The following XRCC2 variants were observed in gnomAD, a reference collection of about 807,000 sequenced individuals.
XRCC2 encodes X-ray repair cross complementing 2.
XRCC2 carries 24 observed loss-of-function variants against 27.3 expected under a neutral mutation model. That is an observed-to-expected ratio of 0.88 (90% CI 0.64 to 1.24). The LOEUF (loss-of-function observed/expected upper bound fraction) is 1.24, where lower values mean the gene tolerates loss of function less well. Ranked by LOEUF, XRCC2 falls within the 50% of genes most tolerant of loss-of-function variation. The pLI is 0.00. For missense variants in XRCC2, 321 were observed against 325.8 expected, an observed-to-expected ratio of 0.99 and a Z score of 0.11; for synonymous variants, 106 against 115.4, an observed-to-expected ratio of 0.92 and a Z score of 0.52.
intron 2 of XRCC2, among the ~76,000 whole-genome samples, chr7:152,649,832 A>G (rs1360442722): frequency 6.6e-6 from 1 of 152,212 alleles, no homozygotes; most frequent in Non-Finnish European, 1.5e-5. Flanking sequence ...GTCGCCAGTG[A>G]GATGCAGGCT....
chr7:152,659,622 G>A (rs2098032202), intron 2 of XRCC2, among the ~76,000 whole-genome samples: 1 of 135,138 alleles, frequency 7.4e-6, no homozygotes, highest in South Asian at 2.4e-4. Flanking sequence ...TACTGACTAG[G>A]ATGGCTATTA....
chr7:152,663,433 C>A (rs147024637), intron 1 of XRCC2, among the ~76,000 whole-genome samples: 1 of 144,064 alleles, frequency 6.9e-6, no homozygotes, highest in African/African-American at 2.5e-5. Context: ...TTTGTGATGA[C>A]ATGAGAAACA....
chr7:152,662,217 C>T (rs3218468), intron 1 of XRCC2, among the ~76,000 whole-genome samples: 2,179 of 152,210 alleles, frequency 0.014, 45 homozygotes, highest in African/African-American at 0.048. Context: ...CCGCTCCCAT[C>T]GGCCTCCCAA....
At chr7:152,663,603 A>G (rs2117002691) in intron 1 of XRCC2, among the ~76,000 whole-genome samples, 1 of 152,156 alleles carries the variant, frequency 6.6e-6, no homozygotes, top group African/African-American at 2.4e-5. Context: ...CCTCGGGAGG[A>G]CAAGGCAGGA....
Position 152,647,556 on chromosome 7 carries a change from C to T in XRCC2, c.*1086G>A, listed in dbSNP as rs1242484225. 1.3e-5 allele frequency: 2 copies of T among 152,076 alleles called. No homozygotes were observed. Among genetic ancestry groups the T allele is most frequent in the African/African-American group, 4.8e-5 (2 of 41,390 alleles). 9.4% of individuals were successfully genotyped at this position (152,076 alleles called of 1,614,324 possible). A position where few individuals can be genotyped will look rare whatever the true frequency, so the allele number is the denominator to read the frequency against. On this transcript the variant is annotated 3_prime_UTR_variant, in exon 3 of 3. Transcript: ENST00000359321. ...GTTTTACATTAAGTCTTTAATCCATCTTGAGTTAATTTTTGTATATGGCAT... is the reference window on the plus strand; with the variant it reads ...GTTTTACATTAAGTCTTTAATCCATTTTGAGTTAATTTTTGTATATGGCAT...
chr7:152,656,391 T>C (rs2098030722), intron 2 of XRCC2, among the ~76,000 whole-genome samples: 1 of 151,934 alleles, frequency 6.6e-6, no homozygotes, highest in South Asian at 2.1e-4. Context: ...AGCAAGACTC[T>C]ATCTCAAAAA....
At chr7:152,667,419 A>AAAG (rs2098036332) in intron 1 of XRCC2, among the ~76,000 whole-genome samples, 2 of 74,576 alleles carry the variant, frequency 2.7e-5, no homozygotes, top group African/African-American at 1.1e-4. Flanking sequence ...AAAAAAAAAA[A>AAAG]AAAAAAAGAA....
chr7:152,649,310 A>G lies in XRCC2; in HGVS notation c.175T>C (p.Tyr59His). The G allele has an allele frequency of 6.2e-7, 1 of 1,611,394 alleles. No individual in the cohort carries two copies. Among genetic ancestry groups the G allele is most frequent in the East Asian group, 2.2e-5 (1 of 44,866 alleles). ...AGTATACATCGTGCTGTTAGGTGAT[A>G]AAGCATTTCTGTTTTTCCTGTTCCT... ...PEGTGKTEML[Y>H]HLTARCILPK... Residue 59 changes from tyrosine (Y) to histidine (H), a missense_variant, in exon 3 of 3, where the codon TAT becomes CAT. By Grantham distance (83) the Tyr-to-His change is moderately conservative. Coordinates refer to ENST00000359321, the MANE Select transcript of XRCC2 (RefSeq NM_005431.2).
chr7:152,671,666 A>C (rs2117009906), intron 1 of XRCC2, among the ~76,000 whole-genome samples: 1 of 152,332 alleles, frequency 6.6e-6, no homozygotes, highest in East Asian at 1.9e-4. Context: ...TTCCAGGATA[A>C]GGTTGGATGT....
chr7:152,669,087 C>T (rs1185762089), intron 1 of XRCC2, among the ~76,000 whole-genome samples: 3 of 152,070 alleles, frequency 2.0e-5, no homozygotes, highest in Non-Finnish European at 4.4e-5. Flanking sequence ...ACCTATTAAA[C>T]TGAAAATCAG....
intron 1 of XRCC2, among the ~76,000 whole-genome samples, chr7:152,674,718 T>A (rs374758331): frequency 7.9e-5 from 3 of 37,900 alleles, no homozygotes; most frequent in African/African-American, 2.5e-4. Context: ...TATAATATAT[T>A]TTTAAATATA....
intron 2 of XRCC2, among the ~76,000 whole-genome samples, chr7:152,652,017 AAG>A (rs1368669272): frequency 6.6e-6 from 1 of 151,816 alleles, no homozygotes; most frequent in Non-Finnish European, 1.5e-5. Flanking sequence ...AATTAAAAAA[AAG>A]AAATAGCCGG....
At chr7:152,667,428 A>AAAAAAAAAAAAAAAAAAAAAAAAAAG (rs1563032964) in intron 1 of XRCC2, among the ~76,000 whole-genome samples, 1 of 77,926 alleles carries the variant, frequency 1.3e-5, no homozygotes, top group Non-Finnish European at 2.4e-5. Flanking sequence ...AAAAAAAAAG[A>AAAAAAAAAAAAAAAAAAAAAAAAAAG]AAAAAAGTAT....
intron 2 of XRCC2, among the ~76,000 whole-genome samples, chr7:152,652,700 C>T (rs2098029042): frequency 6.6e-6 from 1 of 152,220 alleles, no homozygotes; most frequent in Non-Finnish European, 1.5e-5. Flanking sequence ...CCAGGATCTT[C>T]TGAATGTGCT....
intron 1 of XRCC2, among the ~76,000 whole-genome samples, chr7:152,670,967 C>A (rs1253611452): frequency 6.6e-6 from 1 of 152,188 alleles, no homozygotes; most frequent in Non-Finnish European, 1.5e-5. Context: ...GTAATTCCAG[C>A]ACTTTGGGTG....
At chr7:152,655,798 G>GTCCACC (rs1161395011) in intron 2 of XRCC2, among the ~76,000 whole-genome samples, 21 of 152,030 alleles carry the variant, frequency 1.4e-4, no homozygotes, top group African/African-American at 4.8e-4. Context: ...ATCACTTGAG[G>GTCCACC]TCAGGAGTTC....
chr7:152,674,249 T>G (rs1241076448), intron 1 of XRCC2, among the ~76,000 whole-genome samples: 1 of 152,186 alleles, frequency 6.6e-6, no homozygotes, highest in East Asian at 1.9e-4. Flanking sequence ...TAGACTCTCA[T>G]TTTTTGGATA....
At chr7:152,654,521 A>G (rs1460277002) in intron 2 of XRCC2, among the ~76,000 whole-genome samples, 1 of 152,238 alleles carries the variant, frequency 6.6e-6, no homozygotes, top group Admixed American at 6.5e-5. Flanking sequence ...ACAGCAGGGA[A>G]AAGATCACTG....
intron 2 of XRCC2, among the ~76,000 whole-genome samples, chr7:152,657,905 A>G (rs939455166): frequency 2.6e-5 from 4 of 152,070 alleles, no homozygotes; most frequent in African/African-American, 9.7e-5. Flanking sequence ...CAGAAAAGAC[A>G]TAAGACATAT....
Sources: gnomAD v4.1 joint callset for allele counts (sites outside exome capture counted in the v4.1 genomes callset) on GRCh38, gnomAD v4.1.1 for gene constraint, MANE v1.5 for transcripts, NCBI Gene and HGNC (gene_info 2026-07-23, HGNC 2026-07-21) for gene names.